Variants in CCZ1B observed in about 807,000 individuals in gnomAD.
CCZ1B encodes the protein vacuolar fusion protein CCZ1 homolog B.
Under a neutral mutation model 58.8 loss-of-function variants are expected in CCZ1B, and 25 were observed. That is an observed-to-expected ratio of 0.43 (90% confidence interval 0.31 to 0.59). The LOEUF is 0.59. CCZ1B is among the 20% of genes least tolerant of loss of function. CCZ1B has a pLI of 0.12. For missense variants in CCZ1B, 180 were observed against 501.5 expected (o/e 0.36, Z 6.12); for synonymous variants, 66 against 173.2 (o/e 0.38, Z 4.86).
intron 10 of CCZ1B, among the ~76,000 whole-genome samples, chr7:6,808,530 A>T (rs1251671502): frequency 6.6e-6 from 1 of 150,528 alleles, no homozygotes; most frequent in Admixed American, 6.6e-5. Context: ...GCTGATTTTA[A>T]CCTGTATTCT....
Position 6,822,304 on chromosome 7 carries a change from T to G in CCZ1B, c.499A>C (p.Arg167=), listed in dbSNP as rs1462225864. The G allele has an allele frequency of 2.5e-6, 4 of 1,589,048 alleles. No homozygotes were observed. Among genetic ancestry groups the G allele is most frequent in the Non-Finnish European group, 3.4e-6 (4 of 1,173,230 alleles). ...EDGGVKLLKE[R]LEKFFHRYLQ... ...ACCCGATGGAAGAATTTCTCTAATC[T>G]TTCTTTCAGAAGCTTGACGCCTCCG... The change falls in exon 6 of 15, where the codon AGA becomes CGA. Residue 167 remains arginine, a synonymous_variant. Coordinates refer to ENST00000316731, the MANE Select transcript of CCZ1B (RefSeq NM_198097.5).
At chr7:6,811,902 A>C in intron 10 of CCZ1B, 50 bp downstream of exon 10, 1 of 1,593,016 alleles carries the variant, frequency 6.3e-7, no homozygotes, top group Non-Finnish European at 8.6e-7. Flanking sequence ...ACATGCAAGA[A>C]AGATCCATTT....
intron 3 of CCZ1B, 45 bp downstream of exon 3, chr7:6,824,410 A>G (rs747141313): frequency 2.5e-6 from 4 of 1,597,332 alleles, no homozygotes; most frequent in Non-Finnish European, 3.4e-6. Context: ...ATCACCCATA[A>G]CTTCACCATA....
intron 10 of CCZ1B, among the ~76,000 whole-genome samples, chr7:6,808,833 T>G (rs1158876621): frequency 2.0e-5 from 3 of 151,960 alleles, no homozygotes; most frequent in Non-Finnish European, 4.4e-5. Flanking sequence ...CTCAGCCTCC[T>G]GAGTAACTTG....
intron 1 of CCZ1B, among the ~76,000 whole-genome samples, chr7:6,825,175 C>G (rs62442271): frequency 6.8e-6 from 1 of 147,760 alleles, no homozygotes; most frequent in Non-Finnish European, 1.5e-5. Flanking sequence ...GTGTGCCCAT[C>G]TGCAGACACA....
intron 7 of CCZ1B, among the ~76,000 whole-genome samples, chr7:6,819,419 A>G (rs1462863513): frequency 6.7e-6 from 1 of 148,530 alleles, no homozygotes; most frequent in Admixed American, 6.7e-5. Context: ...TATTTTTAGT[A>G]GAGACAGGGT....
rs765595342 is a variant in CCZ1B at position 6,814,823 on chromosome 7, T to C, written c.721A>G (p.Met241Val). 2.5e-6 allele frequency: 4 copies of C among 1,606,794 alleles called. No individual in the cohort carries two copies. The highest frequency in any genetic ancestry group is 4.5e-5 in the East Asian group (2 of 44,860). Reference sequence around the variant, plus strand: ...GTAAGGTATTTGTATAAAATTCTCATGTCATCTTGTTCTAATCCACTCCTG... The same window carrying C: ...GTAAGGTATTTGTATAAAATTCTCACGTCATCTTGTTCTAATCCACTCCTG... Reference protein sequence around the residue: ...LIWSGLEQDDMRILYKYLTTS... With the variant: ...LIWSGLEQDDVRILYKYLTTS... Residue 241 changes from methionine (M) to valine (V), a missense_variant, in exon 8 of 15, where the codon ATG (methionine) becomes GTG (valine). Physicochemically the swap from Met to Val is conservative, Grantham distance 21. Coordinates refer to ENST00000316731, the MANE Select transcript of CCZ1B (RefSeq NM_198097.5).
chr7:6,817,133 A>G (rs1359824017), intron 7 of CCZ1B, among the ~76,000 whole-genome samples: 1 of 152,272 alleles, frequency 6.6e-6, no homozygotes, highest in African/African-American at 2.4e-5. Flanking sequence ...CCACGAGCAC[A>G]CTGGAGGTGA....
intron 5 of CCZ1B, among the ~76,000 whole-genome samples, chr7:6,823,039 A>C (rs200144137): frequency 0.076 from 11,094 of 145,196 alleles, 442 homozygotes; most frequent in East Asian, 0.23. Flanking sequence ...AATTATCTGC[A>C]TTCTGTATGT....
chr7:6,803,732 AGTGC>A (rs1293540984), intron 12 of CCZ1B, among the ~76,000 whole-genome samples: 1 of 148,000 alleles, frequency 6.8e-6, no homozygotes, highest in East Asian at 2.1e-4. Flanking sequence ...GGGAGGCCGA[AGTGC>A]GTGGATCACG....
At chr7:6,810,238 C>G (rs1368628521) in intron 10 of CCZ1B, among the ~76,000 whole-genome samples, 1 of 149,582 alleles carries the variant, frequency 6.7e-6, no homozygotes, top group Non-Finnish European at 1.5e-5. Flanking sequence ...GTCTCGAACT[C>G]CAGACCTCAG....
chr7:6,818,916 A>ATTT, intron 7 of CCZ1B, among the ~76,000 whole-genome samples: 1 of 148,186 alleles, frequency 6.7e-6, no homozygotes, highest in South Asian at 2.1e-4. Context: ...CAGGACACAA[A>ATTT]CCTAGTTTCA....
intron 7 of CCZ1B, among the ~76,000 whole-genome samples, chr7:6,815,471 T>C (rs1480151524): frequency 1.3e-5 from 2 of 148,968 alleles, no homozygotes; most frequent in African/African-American, 5.1e-5. Flanking sequence ...TCTCATCTTT[T>C]TTCATTTTTC....
At chr7:6,822,123 T>G (rs1448048506) in intron 6 of CCZ1B, among the ~76,000 whole-genome samples, 158 bp downstream of exon 6, 1 of 149,670 alleles carries the variant, frequency 6.7e-6, no homozygotes, top group Admixed American at 6.6e-5. Context: ...CCTCATGCGT[T>G]TCCTCGCTGC....
Position 6,814,114 on chromosome 7 carries a change from C to G in CCZ1B, c.780+650G>C, listed in dbSNP as rs761331806. Among the ~76,000 whole-genome samples, 35 of 148,268 alleles carry G rather than the reference C, an allele frequency of 2.4e-4. 2 individuals carry two copies. The highest frequency in any genetic ancestry group is 2.0e-3 in the Admixed American group (30 of 14,834). On this transcript the variant is annotated intron_variant, in intron 8 of 14. Coordinates refer to ENST00000316731, the MANE Select transcript of CCZ1B (RefSeq NM_198097.5). ...TGAGCTGAGATTAAACCACTGCACTCCAGCCTGGGCGAAAAGAACGAAACT... is the reference window on the plus strand; with the variant it reads ...TGAGCTGAGATTAAACCACTGCACTGCAGCCTGGGCGAAAAGAACGAAACT...
intron 7 of CCZ1B, among the ~76,000 whole-genome samples, chr7:6,815,145 T>C (rs1782979887): frequency 6.8e-6 from 1 of 146,146 alleles, no homozygotes; most frequent in Non-Finnish European, 1.5e-5. Flanking sequence ...ATAAAGCTCA[T>C]TTTTTATTAA....
chr7:6,809,943 T>G (rs1782893372), intron 10 of CCZ1B, among the ~76,000 whole-genome samples: 1 of 147,176 alleles, frequency 6.8e-6, no homozygotes, highest in Admixed American at 6.9e-5. Flanking sequence ...TGCTGACGGA[T>G]GACCCTGTGT....
chr7:6,815,174 T>C (rs1196551351), intron 7 of CCZ1B, among the ~76,000 whole-genome samples: 1 of 139,286 alleles, frequency 7.2e-6, no homozygotes, highest in African/African-American at 2.9e-5. Context: ...TTTTTTTTCT[T>C]TTTTTTTTTT....
chr7:6,821,359 A>G (rs1487824028), intron 6 of CCZ1B, among the ~76,000 whole-genome samples: 2 of 151,904 alleles, frequency 1.3e-5, no homozygotes, highest in East Asian at 1.9e-4. Context: ...TGTACTCAGG[A>G]CAACAGTTCT....
Sources: gnomAD v4.1 joint callset for allele counts (sites outside exome capture counted in the v4.1 genomes callset) on GRCh38, gnomAD v4.1.1 for gene constraint, MANE v1.5 for transcripts, NCBI Gene and HGNC (gene_info 2026-07-23, HGNC 2026-07-21) for gene names.